Variants in COQ10B observed in about 807,000 individuals in gnomAD.
The protein encoded by COQ10B is coenzyme Q-binding protein COQ10 homolog B, mitochondrial.
Under a neutral mutation model 27.6 loss-of-function variants are expected in COQ10B, and 12 were observed. That is an observed-to-expected ratio of 0.43 (90% CI 0.28 to 0.70). COQ10B has a LOEUF of 0.70. Ranked by LOEUF, COQ10B falls within the 30% of genes least tolerant of loss-of-function variation. COQ10B has a pLI of 0.17. For missense variants in COQ10B, 278 were observed against 288.7 expected (o/e 0.96, Z 0.27); for synonymous variants, 115 against 103.0 (o/e 1.12, Z -0.71).
At chr2:197,460,187 C>T in intron 2 of COQ10B, 106 bp downstream of exon 2, 1 of 714,548 alleles carries the variant, frequency 1.4e-6, no homozygotes, top group Non-Finnish European at 2.1e-6. Context: ...AGACTAAGCT[C>T]TCTTTTCTAG....
chr2:197,457,467 T>C (rs1345300595), intron 1 of COQ10B, among the ~76,000 whole-genome samples: 2 of 152,216 alleles, frequency 1.3e-5, no homozygotes, highest in African/African-American at 4.8e-5. Context: ...AACTACTACT[T>C]GTGATGTCCC....
At chr2:197,458,527 C>A (rs1408306810) in intron 1 of COQ10B, among the ~76,000 whole-genome samples, 1 of 152,076 alleles carries the variant, frequency 6.6e-6, no homozygotes, top group Non-Finnish European at 1.5e-5. Flanking sequence ...GTTCTATTCA[C>A]CATTATATCC....
intron 3 of COQ10B, among the ~76,000 whole-genome samples, chr2:197,464,660 G>C (rs2085805207): frequency 6.6e-6 from 1 of 151,934 alleles, no homozygotes; most frequent in Admixed American, 6.6e-5. Flanking sequence ...TGCTTTACTT[G>C]AATTACTCAA....
Position 197,474,015 on chromosome 2 carries a change from G to C in COQ10B, c.*91G>C. On this transcript the variant is annotated 3_prime_UTR_variant, in exon 5 of 5. Transcript: ENST00000263960. Reference sequence around the variant, plus strand: ...ATGACATGTTTTCAGAAGCCAGAAAGCATTTGTTAAACGCAGCTTTGGTTA... The same window carrying C: ...ATGACATGTTTTCAGAAGCCAGAAACCATTTGTTAAACGCAGCTTTGGTTA... 3.5e-6 allele frequency: 4 copies of C among 1,132,436 alleles called. No homozygotes were observed. The highest frequency in any genetic ancestry group is 4.7e-6 in the Non-Finnish European group (4 of 842,552). 70.1% of individuals were successfully genotyped at this position (1,132,436 alleles called of 1,614,324 possible).
intron 1 of COQ10B, among the ~76,000 whole-genome samples, chr2:197,454,701 C>T (rs2085677295): frequency 6.6e-6 from 1 of 152,064 alleles, no homozygotes; most frequent in African/African-American, 2.4e-5. Flanking sequence ...TTGCAAATAA[C>T]ACTTACTTTT....
intron 2 of COQ10B, 59 bp from the exon 3 acceptor site, chr2:197,462,480 T>C: frequency 1.2e-6 from 1 of 834,860 alleles, no homozygotes; most frequent in Non-Finnish European, 1.9e-6. Flanking sequence ...CTTTAAAGTA[T>C]GCATATATTA....
At chr2:197,465,140 C>G (rs112612936) in intron 3 of COQ10B, among the ~76,000 whole-genome samples, 65,356 of 151,852 alleles carry the variant, frequency 0.43, 14,511 homozygotes, top group South Asian at 0.56. Flanking sequence ...CTGCCTCAGC[C>G]TCCCAAAGTG....
At chr2:197,465,008 C>T (rs1266902707) in intron 3 of COQ10B, among the ~76,000 whole-genome samples, 1 of 151,870 alleles carries the variant, frequency 6.6e-6, no homozygotes, top group Non-Finnish European at 1.5e-5. Context: ...GCCTCAGCCT[C>T]CCGAGTAGCG....
chr2:197,459,424 C>G (rs2085733627), intron 1 of COQ10B, among the ~76,000 whole-genome samples: 1 of 152,146 alleles, frequency 6.6e-6, no homozygotes, highest in Non-Finnish European at 1.5e-5. Context: ...CATCAGCCTC[C>G]CAAACCACTG....
Position 197,461,449 on chromosome 2 carries a change from TC to T in COQ10B, c.255-1088del, listed in dbSNP as rs566111418. Among the ~76,000 whole-genome samples, 19 of 152,256 alleles carry T rather than the reference TC, an allele frequency of 1.2e-4. No individual in the cohort carries two copies. In the South Asian group the frequency reaches 3.7e-3, roughly 30 times the overall value. ...TTGTTGCTCCTGATGGGCAGGTACT[TC>T]CTAGCAACAGCACCACGTAAAAAGA... On this transcript the variant is annotated intron_variant, in intron 2 of 4. Transcript: ENST00000263960.
chr2:197,455,475 ATG>A (rs903679112), intron 1 of COQ10B, among the ~76,000 whole-genome samples: 3 of 151,716 alleles, frequency 2.0e-5, no homozygotes, highest in Admixed American at 6.6e-5. Context: ...AGAAAAAAAA[ATG>A]TGTGTGTGTG....
At position 197,474,817 on chromosome 2, in the gene COQ10B, C is replaced by CTTT. The variant is rs10640829; in HGVS notation, c.*908_*910dup. The CTTT allele has an allele frequency of 1.2e-4, 16 of 133,272 alleles. 1 individual carries two copies. The highest frequency in any genetic ancestry group is 6.4e-4 in the East Asian group (3 of 4,694). 8.3% of individuals were successfully genotyped at this position (133,272 alleles called of 1,614,324 possible). ...TCCCAGATAAACAGTGTATTTTCTT[C>CTTT]TTTTTTTTTTTTTTTTTGGTGAGTG... is the stretch of plus-strand genomic sequence containing the variant. On this transcript the variant is annotated 3_prime_UTR_variant, in exon 5 of 5. Transcript: ENST00000263960.
chr2:197,459,677 G>A (rs2085735573), intron 1 of COQ10B, among the ~76,000 whole-genome samples: 1 of 151,914 alleles, frequency 6.6e-6, no homozygotes, highest in South Asian at 2.1e-4. Context: ...TGACTACAGA[G>A]TGAAAGCCAA....
chr2:197,466,712 T>G (rs2085827845), intron 3 of COQ10B, among the ~76,000 whole-genome samples: 1 of 152,148 alleles, frequency 6.6e-6, no homozygotes, highest in African/African-American at 2.4e-5. Flanking sequence ...TAACCTGCAT[T>G]AGATGATCAT....
intron 3 of COQ10B, among the ~76,000 whole-genome samples, chr2:197,467,920 A>G (rs2085842012): frequency 6.6e-6 from 1 of 152,218 alleles, no homozygotes; most frequent in Non-Finnish European, 1.5e-5. Flanking sequence ...TGCCTGCTTC[A>G]TGATAGAAAC....
chr2:197,460,210 C>CAT, intron 2 of COQ10B, 129 bp downstream of exon 2: 1 of 374,354 alleles, frequency 2.7e-6, no homozygotes, highest in Non-Finnish European at 4.6e-6. Context: ...TGGCCTTTTT[C>CAT]TTTTTTTTTT....
chr2:197,468,214 G>A (rs1445838394), intron 3 of COQ10B, among the ~76,000 whole-genome samples: 1 of 152,064 alleles, frequency 6.6e-6, no homozygotes, highest in Non-Finnish European at 1.5e-5. Context: ...GCCGAGGCGG[G>A]GGGATCAGGA....
intron 3 of COQ10B, among the ~76,000 whole-genome samples, chr2:197,468,904 A>G (rs1320215475): frequency 1.3e-5 from 2 of 152,222 alleles, no homozygotes; most frequent in African/African-American, 4.8e-5. Context: ...AATGCTGAGC[A>G]TCTCTCAGGG....
At chr2:197,467,095 T>A (rs1229578403) in intron 3 of COQ10B, among the ~76,000 whole-genome samples, 2 of 149,622 alleles carry the variant, frequency 1.3e-5, no homozygotes, top group Non-Finnish European at 3.0e-5. Flanking sequence ...TATAGGCACG[T>A]GCCACCACAC....
Sources: gnomAD v4.1 joint callset for allele counts (sites outside exome capture counted in the v4.1 genomes callset) on GRCh38, gnomAD v4.1.1 for gene constraint, MANE v1.5 for transcripts, NCBI Gene and HGNC (gene_info 2026-07-23, HGNC 2026-07-21) for gene names.